The following DOCK3 variants were observed in gnomAD, a reference collection of about 807,000 sequenced individuals.
DOCK3 encodes the protein dedicator of cytokinesis protein 3.
DOCK3 carries 60 observed loss-of-function variants against 265.6 expected under a neutral mutation model. The observed-to-expected ratio is 0.23, with a 90% CI of 0.18 to 0.28. DOCK3 has a LOEUF of 0.28. DOCK3 is among the 10% of genes least tolerant of loss of function. The probability of loss-of-function intolerance (pLI) is 1.00; values close to 1 mark genes in which losing one functional copy is unlikely to be tolerated. For missense variants in DOCK3, 1,981 were observed against 2,594.3 expected (o/e 0.76, Z 5.14); for synonymous variants, 881 against 938.0 (o/e 0.94, Z 1.11).
rs763345818 is a variant in DOCK3 at position 51,160,731 on chromosome 3, G to T, written c.1037+29G>T. 5.6e-6 allele frequency: 9 copies of T among 1,604,274 alleles called. No homozygotes were observed. In the Admixed American group the frequency reaches 1.2e-4, roughly 21 times the overall value. On this transcript the variant is annotated intron_variant, in intron 12 of 52. Transcript: ENST00000266037. ...AGTAATGGACATCAGGAATATTAATGATTTGTAGCATAAGACATCCCAGCA... is the reference window on the plus strand; with the variant it reads ...AGTAATGGACATCAGGAATATTAATTATTTGTAGCATAAGACATCCCAGCA...
intron 1 of DOCK3, among the ~76,000 whole-genome samples, chr3:50,738,129 T>G (rs1194865106): frequency 6.6e-6 from 1 of 152,034 alleles, no homozygotes; most frequent in East Asian, 1.9e-4. Flanking sequence ...GATATAGTCG[T>G]TGGGTGGGAT....
intron 4 of DOCK3, chr3:50,893,381 G>T (rs190461543): frequency 6.2e-6 from 1 of 160,118 alleles, no homozygotes; most frequent in African/African-American, 2.4e-5. Flanking sequence ...TGAGGAAAAT[G>T]AAAAGTGAAA....
rs985781114 is a variant in DOCK3, at chr3:51,143,177, G to A, written c.747-3372G>A. Among the ~76,000 whole-genome samples, 7 of 149,332 alleles carry A rather than the reference G, an allele frequency of 4.7e-5. No homozygotes were observed. In the East Asian group the frequency reaches 6.1e-4, roughly 13 times the overall value. On this transcript the variant is annotated intron_variant, in intron 9 of 52. Transcript: ENST00000266037. ...GCTGGGATTACAGGCGTGAGCCACC[G>A]TGCCCGGCTGGTATATTCATTCTTT...
At chr3:51,067,460 C>CGT (rs1560014939) in intron 6 of DOCK3, among the ~76,000 whole-genome samples, 2 of 28,860 alleles carry the variant, frequency 6.9e-5, no homozygotes, top group Non-Finnish European at 1.5e-4. Context: ...TGTGTGTGCG[C>CGT]GCGCGTTGGA....
intron 1 of DOCK3, among the ~76,000 whole-genome samples, chr3:50,709,508 T>C (rs913519802): frequency 2.0e-5 from 3 of 152,206 alleles, no homozygotes; most frequent in Non-Finnish European, 1.5e-5. Flanking sequence ...CCATTAATTA[T>C]AGTATTAGCC....
intron 12 of DOCK3, among the ~76,000 whole-genome samples, chr3:51,173,761 C>T (rs2086803412): frequency 1.3e-5 from 2 of 152,138 alleles, no homozygotes; most frequent in African/African-American, 4.8e-5. Context: ...GTCTTTTACT[C>T]TTGACACTTT....
chr3:50,981,128 C>T (rs2077673815), intron 5 of DOCK3, among the ~76,000 whole-genome samples: 1 of 152,128 alleles, frequency 6.6e-6, no homozygotes, highest in Non-Finnish European at 1.5e-5. Context: ...TTTGCTGTAT[C>T]CCATAGGTTT....
intron 3 of DOCK3, among the ~76,000 whole-genome samples, chr3:50,880,201 C>G (rs1047397751): frequency 5.9e-5 from 9 of 152,122 alleles, no homozygotes; most frequent in Non-Finnish European, 1.3e-4. Flanking sequence ...AAGTGGCACC[C>G]TAACATCACA....
At chr3:51,358,913 C>A (rs2086548904) in intron 46 of DOCK3, among the ~76,000 whole-genome samples, 2 of 152,220 alleles carry the variant, frequency 1.3e-5, no homozygotes, top group South Asian at 4.1e-4. Context: ...AACTGTGGGG[C>A]TGACTCCAAA....
intron 2 of DOCK3, among the ~76,000 whole-genome samples, chr3:50,822,138 T>C (rs1576546387): frequency 6.6e-6 from 1 of 152,346 alleles, no homozygotes; most frequent in East Asian, 1.9e-4. Context: ...TTCCTGAGCA[T>C]GGAATGTTTG....
intron 5 of DOCK3, among the ~76,000 whole-genome samples, chr3:51,051,624 A>G (rs892642057): frequency 1.3e-5 from 2 of 152,136 alleles, no homozygotes; most frequent in South Asian, 2.1e-4. Flanking sequence ...TAGAAAACCA[A>G]CCATTCTGAC....
intron 37 of DOCK3, among the ~76,000 whole-genome samples, chr3:51,340,373 G>A (rs931117582): frequency 1.3e-5 from 2 of 152,224 alleles, no homozygotes; most frequent in Non-Finnish European, 2.9e-5. Context: ...ATCCCATGAG[G>A]AGGCGTGTAC....
At chr3:51,270,088 TTACATCC>T (rs1311928754) in intron 23 of DOCK3, among the ~76,000 whole-genome samples, 7 of 152,142 alleles carry the variant, frequency 4.6e-5, no homozygotes, top group Admixed American at 3.9e-4. Flanking sequence ...CTGCCAGAGC[TTACATCC>T]TAGAAGAAAA....
At chr3:50,909,641 GTTT>G (rs71633043) in intron 4 of DOCK3, among the ~76,000 whole-genome samples, 1 of 98,720 alleles carries the variant, frequency 1.0e-5, no homozygotes. Flanking sequence ...TACCCTTAAC[GTTT>G]TTTTTTTTTT....
intron 22 of DOCK3, among the ~76,000 whole-genome samples, chr3:51,251,063 C>T (rs1327798381): frequency 6.6e-6 from 1 of 152,162 alleles, no homozygotes; most frequent in Non-Finnish European, 1.5e-5. Context: ...TGTTCCCCAC[C>T]CTGTGTCCAA....
At chr3:51,090,105 T>G (rs371579121) in intron 8 of DOCK3, 125 bp from the exon 9 acceptor site, 6 of 1,126,676 alleles carry the variant, frequency 5.3e-6, no homozygotes, top group Non-Finnish European at 7.3e-6. Context: ...AGAAAACATC[T>G]TCAGTTTCTC....
intron 32 of DOCK3, among the ~76,000 whole-genome samples, chr3:51,319,792 G>A (rs1461161638): frequency 6.6e-6 from 1 of 151,772 alleles, no homozygotes; most frequent in African/African-American, 2.4e-5. Flanking sequence ...TTGAACCTGG[G>A]AGGTGGGGTT....
rs1553750450 is a variant in DOCK3 at position 51,067,456 on chromosome 3, T to TGTGTGTGC, written c.464+2861_464+2862insTGTGTGCG. On this transcript the variant is annotated intron_variant, in intron 6 of 52. Transcript: ENST00000266037. ...GTGTGTGTGTGTGTGTGTGTGTGTG[T>TGTGTGTGC]GCGCGCGCGTTGGAGGGGTATGTAT... 4.7e-3 allele frequency among the ~76,000 whole-genome samples: 700 copies of TGTGTGTGC among 150,316 alleles called. 5 individuals are homozygous for TGTGTGTGC. The highest frequency in any genetic ancestry group is 0.012 in the African/African-American group (490 of 40,404).
chr3:50,772,257 T>G (rs1041288896), intron 1 of DOCK3, among the ~76,000 whole-genome samples: 1 of 152,140 alleles, frequency 6.6e-6, no homozygotes, highest in African/African-American at 2.4e-5. Flanking sequence ...AACTGAATTA[T>G]TAGAGACAGA....
Sources: allele counts gnomAD v4.1 joint callset (sites outside exome capture counted in the v4.1 genomes callset), GRCh38; gene constraint gnomAD v4.1.1; transcripts MANE v1.5; gene names NCBI Gene and HGNC (gene_info 2026-07-23, HGNC 2026-07-21).